CAMKMT: variants seen among roughly 807,000 people sequenced by gnomAD.
The protein encoded by CAMKMT is CaM KMT.
CAMKMT carries 53 observed loss-of-function variants against 48.0 expected under a neutral mutation model. The ratio of observed to expected loss-of-function variants is 1.10; its 90% CI spans 0.89 to 1.39. The LOEUF is 1.39. CAMKMT is among the 40% of genes most tolerant of loss of function. The pLI is 0.00. For missense variants in CAMKMT, 428 were observed against 402.7 expected, an observed-to-expected ratio of 1.06 and a Z score of -0.54; for synonymous variants, 165 against 152.3, an observed-to-expected ratio of 1.08 and a Z score of -0.61.
intron 3 of CAMKMT, among the ~76,000 whole-genome samples, chr2:44,523,962 A>G (rs1282281007): frequency 6.6e-6 from 1 of 151,194 alleles, no homozygotes; most frequent in Non-Finnish European, 1.5e-5. Flanking sequence ...TTTTTAGTAG[A>G]GATGGGGTTT....
chr2:44,631,345 T>C, intron 3 of CAMKMT: 1 of 326,978 alleles, frequency 3.1e-6, no homozygotes, highest in East Asian at 6.2e-5. Flanking sequence ...CATGTATACA[T>C]ATGTAACTAA....
chr2:44,717,278 C>T (rs1387010187), intron 7 of CAMKMT, among the ~76,000 whole-genome samples: 1 of 151,856 alleles, frequency 6.6e-6, no homozygotes, highest in East Asian at 1.9e-4. Flanking sequence ...TAATTGTGGT[C>T]AGTTTCTTTT....
intron 2 of CAMKMT, among the ~76,000 whole-genome samples, chr2:44,380,086 T>G (rs1330967339): frequency 6.6e-6 from 1 of 152,196 alleles, no homozygotes; most frequent in Non-Finnish European, 1.5e-5. Context: ...TTGGCATGTT[T>G]AGGCTTCAGA....
chr2:44,378,291 A>T (rs542439029), intron 2 of CAMKMT, among the ~76,000 whole-genome samples: 148 of 152,332 alleles, frequency 9.7e-4, no homozygotes, highest in Non-Finnish European at 1.7e-3. Context: ...ATATAAATAT[A>T]CTGTTTCAGT....
chr2:44,607,132 G>A lies in CAMKMT; in HGVS notation c.377-97151G>A, dbSNP rs554837258. On this transcript the variant is annotated intron_variant, in intron 3 of 10. Transcript: ENST00000378494. ...ATAGGAAATGCATTCTGTGCAGACA[G>A]GCTGCAAATTCCCATGACAGGGCAG... Among the ~76,000 whole-genome samples the A allele has an allele frequency of 3.9e-5, 6 of 152,322 alleles. No individual in the cohort carries two copies. The South Asian group carries it at 1.2e-3, about 32-fold the overall frequency.
intron 3 of CAMKMT, among the ~76,000 whole-genome samples, chr2:44,596,303 A>G (rs1239726995): frequency 6.6e-6 from 1 of 151,928 alleles, no homozygotes; most frequent in Non-Finnish European, 1.5e-5. Flanking sequence ...TACAAAAATT[A>G]GCTGGCGTGG....
chr2:44,597,392 C>T lies in CAMKMT; in HGVS notation c.377-106891C>T, dbSNP rs1028239211. ...TGTCCATAATTATTTCCAGTGAATCCACAATTAATAATAACATCAGCCAGT... is the reference window on the plus strand; with the variant it reads ...TGTCCATAATTATTTCCAGTGAATCTACAATTAATAATAACATCAGCCAGT... On this transcript the variant is annotated intron_variant, in intron 3 of 10. Coordinates refer to ENST00000378494, the MANE Select transcript of CAMKMT (RefSeq NM_024766.5). Among the ~76,000 whole-genome samples, 4 of 152,092 alleles carry T rather than the reference C, an allele frequency of 2.6e-5. 1 individual carries two copies. Among genetic ancestry groups the T allele is most frequent in the Non-Finnish European group, 5.9e-5 (4 of 68,018 alleles).
At chr2:44,378,299 A>G (rs532479707) in intron 2 of CAMKMT, among the ~76,000 whole-genome samples, 3 of 152,300 alleles carry the variant, frequency 2.0e-5, no homozygotes, top group African/African-American at 7.2e-5. Flanking sequence ...ATACTGTTTC[A>G]GTAAATTGAA....
At chr2:44,700,437 A>G (rs573768698) in intron 3 of CAMKMT, among the ~76,000 whole-genome samples, 4 of 152,318 alleles carry the variant, frequency 2.6e-5, no homozygotes, top group East Asian at 1.9e-4. Context: ...TGCCTTCTCC[A>G]TAAGTGGAAT....
At chr2:44,496,887 T>C (rs698825) in intron 3 of CAMKMT, among the ~76,000 whole-genome samples, 152,264 of 152,290 alleles carry the variant, frequency 1, 76,119 homozygotes, top group Middle Eastern at 1. Context: ...CGTTTAGAGC[T>C]GCTGGCAGTG....
At chr2:44,596,435 C>T (rs968865813) in intron 3 of CAMKMT, among the ~76,000 whole-genome samples, 35 of 150,942 alleles carry the variant, frequency 2.3e-4, no homozygotes, top group African/African-American at 8.3e-4. Context: ...GGTAACAGAG[C>T]GAGACTCTGT....
intron 7 of CAMKMT, among the ~76,000 whole-genome samples, chr2:44,728,329 TG>T (rs1678899797): frequency 6.6e-6 from 1 of 152,218 alleles, no homozygotes; most frequent in African/African-American, 2.4e-5. Context: ...GCTAGTATTT[TG>T]TTGAGGATTT....
chr2:44,585,174 T>A (rs1194493791), intron 3 of CAMKMT, among the ~76,000 whole-genome samples: 6 of 152,206 alleles, frequency 3.9e-5, no homozygotes, highest in African/African-American at 1.2e-4. Context: ...TTGATACCTT[T>A]AAAGATTCTG....
chr2:44,643,830 C>G (rs1673581882), intron 3 of CAMKMT, among the ~76,000 whole-genome samples: 1 of 152,064 alleles, frequency 6.6e-6, no homozygotes, highest in South Asian at 2.1e-4. Flanking sequence ...GGTATCATAC[C>G]TGAGATCAAT....
intron 3 of CAMKMT, among the ~76,000 whole-genome samples, chr2:44,533,255 T>G (rs1424362758): frequency 6.6e-6 from 1 of 151,984 alleles, no homozygotes; most frequent in African/African-American, 2.4e-5. Flanking sequence ...TTTTTTTTTT[T>G]GAGACAGAGT....
intron 3 of CAMKMT, among the ~76,000 whole-genome samples, chr2:44,540,176 A>G (rs976175188): frequency 2.6e-5 from 4 of 151,746 alleles, no homozygotes; most frequent in East Asian, 1.9e-4. Context: ...ATATATGTAC[A>G]TATGTTTTAG....
At chr2:44,379,259 C>A (rs542269806) in intron 2 of CAMKMT, among the ~76,000 whole-genome samples, 16 of 152,206 alleles carry the variant, frequency 1.1e-4, no homozygotes, top group African/African-American at 3.4e-4. Flanking sequence ...GTACCTCATA[C>A]TTTTTTTATG....
chr2:44,451,850 A>G (rs192923475), intron 3 of CAMKMT, among the ~76,000 whole-genome samples: 3 of 152,028 alleles, frequency 2.0e-5, no homozygotes, highest in Non-Finnish European at 1.5e-5. Context: ...TCATGAGACA[A>G]TTTTAGAGAA....
intron 3 of CAMKMT, among the ~76,000 whole-genome samples, chr2:44,437,313 A>G (rs112882993): frequency 1.3e-5 from 2 of 152,132 alleles, no homozygotes; most frequent in African/African-American, 4.8e-5. Context: ...TAATTCATTA[A>G]CCATCTATTT....
Sources: allele counts gnomAD v4.1 joint callset (sites outside exome capture counted in the v4.1 genomes callset), GRCh38; gene constraint gnomAD v4.1.1; transcripts MANE v1.5; gene names NCBI Gene and HGNC (gene_info 2026-07-23, HGNC 2026-07-21).